Variants in ERCC1 observed in about 807,000 individuals in gnomAD.
ERCC1 encodes DNA excision repair protein ERCC-1.
In ERCC1, 36 loss-of-function variants were observed where a neutral mutation model predicts 37.6. That is an observed-to-expected ratio of 0.96 (90% CI 0.73 to 1.26). The LOEUF (loss-of-function observed/expected upper bound fraction) is 1.26, where lower values mean the gene tolerates loss of function less well. Ranked by LOEUF, ERCC1 falls within the 50% of genes most tolerant of loss-of-function variation. The pLI is 0.00. For synonymous variants in ERCC1, 156 were observed against 162.1 expected (o/e 0.96, Z 0.28); for missense variants, 349 against 376.5 (o/e 0.93, Z 0.60).
In ERCC1 at chr19:45,416,848, G is replaced by C. The variant is rs1225648719; in HGVS notation, c.575C>G (p.Ala192Gly). 6.2e-7 allele frequency: 1 copy of C among 1,613,698 alleles called. No individual in the cohort carries two copies. The highest frequency in any genetic ancestry group is 2.2e-5 in the East Asian group (1 of 44,850). Residue 192 changes from alanine (A) to glycine (G), a missense_variant, in exon 6 of 10, where the codon GCC becomes GGC. Coordinates refer to ENST00000300853, the MANE Select transcript of ERCC1 (RefSeq NM_001983.4). Reference protein sequence around the residue: ...LKELAKMCILADCTLILAWSP... With the variant: ...LKELAKMCILGDCTLILAWSP... ...CCAGGCGAGGATCAATGTGCAGTCG[G>C]CCAGGATACACATCTTAGCCAGCTC... is the stretch of plus-strand genomic sequence containing the variant.
At position 45,408,471 on chromosome 19, in the gene ERCC1, A is replaced by T. The variant is rs1031778537; in HGVS notation, c.*1204T>A. On this transcript the variant is annotated 3_prime_UTR_variant, in exon 10 of 10. Coordinates refer to ENST00000300853, the MANE Select transcript of ERCC1 (RefSeq NM_001983.4). Reference sequence around the variant, plus strand: ...GGGCCTAGGTCAGCCTTGGCCCCCAACCTGCTCACCTCAGGGAAGAAGAAA... The same window carrying T: ...GGGCCTAGGTCAGCCTTGGCCCCCATCCTGCTCACCTCAGGGAAGAAGAAA... 2.5e-6 allele frequency: 4 copies of T among 1,613,868 alleles called. No individual in the cohort carries two copies. The highest frequency in any genetic ancestry group is 3.4e-6 in the Non-Finnish European group (4 of 1,179,940).
Position 45,409,487 on chromosome 19 carries a change from C to T in ERCC1, c.*188G>A, listed in dbSNP as rs1178992969. ...GGACAAGAAGCGGAAGCAGCAGCAG[C>T]AGCAGCCTGTGTAGTCTGCCCCCGG... is the stretch of plus-strand genomic sequence containing the variant. On this transcript the variant is annotated 3_prime_UTR_variant, in exon 10 of 10. Transcript: ENST00000300853. 1 of 1,608,492 alleles carries T rather than the reference C, an allele frequency of 6.2e-7. No individual in the cohort carries two copies. Among genetic ancestry groups the T allele is most frequent in the South Asian group, 1.1e-5 (1 of 90,534 alleles).
chr19:45,413,612 A>G (rs1973868627), intron 9 of ERCC1, 65 bp downstream of exon 9: 4 of 1,614,048 alleles, frequency 2.5e-6, no homozygotes, highest in Non-Finnish European at 3.4e-6. Context: ...TTGGGGTCTC[A>G]GGTTGTGTTT....
upstream of ERCC1, among the ~76,000 whole-genome samples, chr19:45,428,646 G>A (rs1193029295): frequency 6.6e-6 from 1 of 152,214 alleles, no homozygotes; most frequent in Non-Finnish European, 1.5e-5. Flanking sequence ...GGGTGGGGTG[G>A]GGACGGAGAC....
Position 45,409,511 on chromosome 19 carries a change from G to A in ERCC1, c.*164C>T, listed in dbSNP as rs1056830405. ...GCAGCAGCCTGTGTAGTCTGCCCCCGGGAAACTGAGGAACTAAAGAAAGCT... is the reference window on the plus strand; with the variant it reads ...GCAGCAGCCTGTGTAGTCTGCCCCCAGGAAACTGAGGAACTAAAGAAAGCT... On this transcript the variant is annotated 3_prime_UTR_variant, in exon 10 of 10. Transcript: ENST00000300853. The A allele has an allele frequency of 1.0e-5, 16 of 1,594,896 alleles. No individual in the cohort carries two copies. Among genetic ancestry groups the A allele is most frequent in the Admixed American group, 5.4e-5 (3 of 55,974 alleles).
At position 45,423,783 on chromosome 19, in the gene ERCC1, G is replaced by A. The variant is rs548899546; in HGVS notation, c.-10C>T. 8 of 1,141,102 alleles carry A rather than the reference G, an allele frequency of 7.0e-6. No individual in the cohort carries two copies. The highest frequency in any genetic ancestry group is 1.6e-5 in the African/African-American group (1 of 63,640). The allele number at this position is 1,141,102 out of a possible 1,614,324, so 70.7% of individuals were successfully genotyped here. On this transcript the variant is annotated splice_region_variant and 5_prime_UTR_variant, in exon 1 of 10. Transcript: ENST00000300853. Reference sequence around the variant, plus strand: ...CCCGCAGTCTCCGCCTCCCGCACCTGTGGTCCGGGCCTCACGGTTTCAGCG... The same window carrying A: ...CCCGCAGTCTCCGCCTCCCGCACCTATGGTCCGGGCCTCACGGTTTCAGCG...
intron 1 of ERCC1, among the ~76,000 whole-genome samples, chr19:45,447,448 T>C (rs1056704647): frequency 6.6e-6 from 1 of 151,862 alleles, no homozygotes; most frequent in Non-Finnish European, 1.5e-5. Context: ...GCTAATTTTG[T>C]ATTTTTAGTA....
upstream of ERCC1, among the ~76,000 whole-genome samples, chr19:45,424,929 T>C (rs906531126): frequency 4.7e-5 from 7 of 149,920 alleles, no homozygotes; most frequent in Non-Finnish European, 8.9e-5. Context: ...TTTCTTTTTT[T>C]TTTTTTTTTC....
chr19:45,451,298 G>A (rs1967114271), intron 1 of ERCC1, among the ~76,000 whole-genome samples: 1 of 152,182 alleles, frequency 6.6e-6, no homozygotes, highest in Non-Finnish European at 1.5e-5. Context: ...ATAGGGACAA[G>A]CACACACTTC....
intron 1 of ERCC1, among the ~76,000 whole-genome samples, chr19:45,433,854 T>C (rs1245090257): frequency 6.6e-6 from 1 of 151,562 alleles, no homozygotes; most frequent in Non-Finnish European, 1.5e-5. Context: ...GAGACCTGGC[T>C]GGGCACAGTG....
chr19:45,434,392 A>T (rs186593107), intron 1 of ERCC1, among the ~76,000 whole-genome samples: 45 of 151,584 alleles, frequency 3.0e-4, no homozygotes, highest in African/African-American at 1.1e-3. Context: ...TCGGGAGGCT[A>T]AGGTGGGAGG....
chr19:45,424,098 C>G (rs1436961743), upstream of ERCC1: 11 of 1,032,418 alleles, frequency 1.1e-5, no homozygotes, highest in Non-Finnish European at 1.3e-5. Flanking sequence ...GCCCAGAATC[C>G]TGGCAGGGCT....
chr19:45,414,276 G>A (rs1475118633), intron 7 of ERCC1: 1 of 566,034 alleles, frequency 1.8e-6, no homozygotes, highest in African/African-American at 1.9e-5. Flanking sequence ...AGGAGTTCAA[G>A]ACCAGCCTGG....
chr19:45,408,703 G>C lies in ERCC1; in HGVS notation c.*972C>G. Reference sequence around the variant, plus strand: ...AGACACTGGAGCCTCTGGGAGTGCTGTTCCCGTCCACCACCAAGAAGAGGA... The same window carrying C: ...AGACACTGGAGCCTCTGGGAGTGCTCTTCCCGTCCACCACCAAGAAGAGGA... On this transcript the variant is annotated 3_prime_UTR_variant, in exon 10 of 10. Transcript: ENST00000300853. 1.2e-6 allele frequency: 2 copies of C among 1,613,812 alleles called. No individual in the cohort carries two copies. The highest frequency in any genetic ancestry group is 1.7e-6 in the Non-Finnish European group (2 of 1,179,970).
At chr19:45,446,997 A>T (rs1254913069) in intron 1 of ERCC1, among the ~76,000 whole-genome samples, 1 of 150,810 alleles carries the variant, frequency 6.6e-6, no homozygotes, top group South Asian at 2.1e-4. Flanking sequence ...GACTCTGTCT[A>T]AAAAAAAAGA....
intron 9 of ERCC1, 24 bp from the exon 10 acceptor site, chr19:45,409,749 G>T (rs1261045562): frequency 2.6e-6 from 2 of 784,098 alleles, no homozygotes; most frequent in African/African-American, 3.4e-5. Context: ...AGAAAAAAAT[G>T]AGGAACCAGT....
chr19:45,422,071 C>T (rs1286795418), intron 2 of ERCC1, among the ~76,000 whole-genome samples: 1 of 152,070 alleles, frequency 6.6e-6, no homozygotes, highest in Non-Finnish European at 1.5e-5. Context: ...GCGTTTCACC[C>T]TTGGACCACT....
intron 3 of ERCC1, 149 bp downstream of exon 3, chr19:45,421,029 C>A: frequency 2.7e-6 from 2 of 745,558 alleles, no homozygotes; most frequent in Non-Finnish European, 4.7e-6. Context: ...TCTCAACCCA[C>A]ACACTGCTGT....
At chr19:45,439,461 G>C (rs971404301) in intron 1 of ERCC1, among the ~76,000 whole-genome samples, 3 of 152,176 alleles carry the variant, frequency 2.0e-5, no homozygotes, top group African/African-American at 7.2e-5. Flanking sequence ...ACTTTGGGAG[G>C]CCGAGGTAGC....
Sources: gnomAD v4.1 joint callset for allele counts (sites outside exome capture counted in the v4.1 genomes callset) on GRCh38, gnomAD v4.1.1 for gene constraint, MANE v1.5 for transcripts, NCBI Gene and HGNC (gene_info 2026-07-23, HGNC 2026-07-21) for gene names.